DMRTA1: variants seen among roughly 807,000 people sequenced by gnomAD.
DMRTA1 encodes the protein doublesex- and mab-3-related transcription factor A1.
Under a neutral mutation model 35.2 loss-of-function variants are expected in DMRTA1, and 34 were observed. That is an observed-to-expected ratio of 0.97 (90% CI 0.74 to 1.29). The LOEUF (loss-of-function observed/expected upper bound fraction) is 1.29. Ranked by LOEUF, DMRTA1 falls within the 50% of genes most tolerant of loss-of-function variation. The pLI is 0.00. For synonymous variants in DMRTA1, 344 were observed against 276.6 expected (o/e 1.24, Z -2.42); for missense variants, 824 against 644.6 (o/e 1.28, Z -3.01).
At position 22,448,296 on chromosome 9, in the gene DMRTA1, C is replaced by G. The variant is rs79860364; in HGVS notation, c.667+564C>G. Among the ~76,000 whole-genome samples, 476 of 152,302 alleles carry G rather than the reference C, an allele frequency of 3.1e-3. 1 individual carries two copies. The highest frequency in any genetic ancestry group is 0.011 in the African/African-American group (459 of 41,562). On this transcript the variant is annotated intron_variant, in intron 1 of 1. Coordinates refer to ENST00000325870, the MANE Select transcript of DMRTA1 (RefSeq NM_022160.3). Reference sequence around the variant, plus strand: ...AACTCTGATAGTTGGGGATGCAGTTCTTTACTACATGTTGGGGCAAACATT... The same window carrying G: ...AACTCTGATAGTTGGGGATGCAGTTGTTTACTACATGTTGGGGCAAACATT...
rs1023488574 is a variant in DMRTA1 at position 22,453,024 on chromosome 9, C to T, written c.*1113C>T. On this transcript the variant is annotated 3_prime_UTR_variant, in exon 2 of 2. Transcript: ENST00000325870. ...AATTTTAAAAATAATTTTTGTCCTC[C>T]CTCTGGCGCATTTGAAAACTATTTA... 1.3e-5 allele frequency: 2 copies of T among 151,970 alleles called. No individual in the cohort carries two copies. Among genetic ancestry groups the T allele is most frequent in the Admixed American group, 6.6e-5 (1 of 15,244 alleles). 9.4% of individuals were successfully genotyped at this position (151,970 alleles called of 1,614,324 possible).
Position 22,451,228 on chromosome 9 carries a change from C to T in DMRTA1, c.832C>T (p.Leu278=), listed in dbSNP as rs74769337. 2,847 of 1,614,092 alleles carry T rather than the reference C, an allele frequency of 1.8e-3. 60 individuals are homozygous for T. In the Admixed American group the frequency reaches 0.038, roughly 21 times the overall value. The change falls in exon 2 of 2, where the codon CTG becomes TTG. Residue 278 remains leucine, a synonymous_variant. Transcript: ENST00000325870. Reference sequence around the variant, plus strand: ...ATACTCCAACAAGCCTGATAGTATCCTGTCTCCTCATCCTGGAGAGCAATC... The same window carrying T: ...ATACTCCAACAAGCCTGATAGTATCTTGTCTCCTCATCCTGGAGAGCAATC... The part of the protein sequence containing the change: ...SEYSNKPDSI[L]SPHPGEQSGG...
chr9:22,447,487 C>A lies in DMRTA1; in HGVS notation c.422C>A (p.Ala141Glu). The A allele has an allele frequency of 6.4e-7, 1 of 1,559,838 alleles. No individual in the cohort carries two copies. Among genetic ancestry groups the A allele is most frequent in the Non-Finnish European group, 8.7e-7 (1 of 1,153,942 alleles). The change falls in exon 1 of 2, where the codon GCG becomes GAG. Residue 141 changes from alanine (A) to glutamate (E), a missense_variant. Transcript: ENST00000325870. ...CAGCGCGTCATGGCCGCCCAGGTGG[C>A]GCTGCGCAGGCAGCAGGCGCAGGAG... The part of the protein sequence containing the change: ...ERQRVMAAQV[A>E]LRRQQAQEES...
rs1311889650 is a variant in DMRTA1, at chr9:22,455,191, G to T, written c.*3280G>T. The T allele has an allele frequency of 1.3e-5, 2 of 152,148 alleles. No homozygotes were observed. Among genetic ancestry groups the T allele is most frequent in the African/African-American group, 4.8e-5 (2 of 41,432 alleles). The allele number at this position is 152,148 out of a possible 1,614,324, so 9.4% of individuals were successfully genotyped here. A position where few individuals can be genotyped will look rare whatever the true frequency, so the allele number is the denominator to read the frequency against. On this transcript the variant is annotated 3_prime_UTR_variant, in exon 2 of 2. Transcript: ENST00000325870. Reference sequence around the variant, plus strand: ...TGTAAGGTATATAGGCATGAGTGGGGCTTAAAGAGGATATGGGAGAACACT... The same window carrying T: ...TGTAAGGTATATAGGCATGAGTGGGTCTTAAAGAGGATATGGGAGAACACT...
In DMRTA1 at chr9:22,452,409, G is replaced by A. The variant is rs1189313529; in HGVS notation, c.*498G>A. On this transcript the variant is annotated 3_prime_UTR_variant, in exon 2 of 2. Coordinates refer to ENST00000325870, the MANE Select transcript of DMRTA1 (RefSeq NM_022160.3). ...ATAGGAAAGAAAAAAGTTATTCAAA[G>A]TATTTTTAAAGCATTTGATTTGCAG... 1 of 152,252 alleles carries A rather than the reference G, an allele frequency of 6.6e-6. No individual in the cohort carries two copies. The highest frequency in any genetic ancestry group is 6.6e-5 in the Admixed American group (1 of 15,266). The allele number at this position is 152,252 out of a possible 1,614,324, so 9.4% of individuals were successfully genotyped here.
chr9:22,454,079 T>C lies in DMRTA1; in HGVS notation c.*2168T>C, dbSNP rs1818973005. Reference sequence around the variant, plus strand: ...ATAAAACTTAATTTATATAATGCCTTACACATTCCATACTCTTTATAATAA... The same window carrying C: ...ATAAAACTTAATTTATATAATGCCTCACACATTCCATACTCTTTATAATAA... On this transcript the variant is annotated 3_prime_UTR_variant, in exon 2 of 2. Transcript: ENST00000325870. 6.6e-6 allele frequency: 1 copy of C among 152,140 alleles called. No homozygotes were observed. Among genetic ancestry groups the C allele is most frequent in the African/African-American group, 2.4e-5 (1 of 41,442 alleles). The allele number at this position is 152,140 out of a possible 1,614,324, so 9.4% of individuals were successfully genotyped here.
chr9:22,447,183 G>A lies in DMRTA1; in HGVS notation c.118G>A (p.Gly40Arg), dbSNP rs3207249. ...PPSPALPVPS[G>R]MQVPPAFLRP... ...GTCCCCGGCGTTGCCGGTACCATCG[G>A]GGATGCAGGTTCCCCCAGCGTTCCT... is the stretch of plus-strand genomic sequence containing the variant. The change falls in exon 1 of 2, where the codon GGG (glycine) becomes AGG (arginine). Residue 40 changes from glycine to arginine, a missense_variant. Gly to Arg is a moderately radical substitution (Grantham distance 125). Transcript: ENST00000325870. 6.3e-7 allele frequency: 1 copy of A among 1,598,146 alleles called. No homozygotes were observed. Among genetic ancestry groups the A allele is most frequent in the East Asian group, 2.3e-5 (1 of 42,612 alleles).
rs1205320907 is a variant in DMRTA1, at chr9:22,451,364, C to G, written c.968C>G (p.Ser323Cys). 4.3e-6 allele frequency: 7 copies of G among 1,613,996 alleles called. No homozygotes were observed. The Admixed American group carries it at 1.2e-4, about 27-fold the overall frequency. Residue 323 changes from serine (S) to cysteine (C), a missense_variant, in exon 2 of 2, where the codon TCC (serine) becomes TGC (cysteine). Ser to Cys is a moderately radical substitution (Grantham distance 112). Transcript: ENST00000325870. ...TATKASLPTV[S>C]SRPRDPLDIL... The stretch of plus-strand genomic sequence containing the variant: ...ACCAAGGCAAGCCTTCCGACAGTGT[C>G]CTCAAGACCAAGAGATCCTCTTGAT...
chr9:22,450,918 A>T, intron 1 of DMRTA1, 146 bp from the exon 2 acceptor site: 1 of 807,626 alleles, frequency 1.2e-6, no homozygotes, highest in Non-Finnish European at 1.8e-6. Flanking sequence ...AATTTGAGTT[A>T]TTCATTAAAA....
intron 1 of DMRTA1, 107 bp downstream of exon 1, chr9:22,447,839 G>T (rs1406333758): frequency 2.2e-5 from 30 of 1,364,172 alleles, no homozygotes; most frequent in Non-Finnish European, 2.8e-5. Flanking sequence ...TTGTTTAAAA[G>T]AAACACTTTA....
chr9:22,447,415 G>C lies in DMRTA1; in HGVS notation c.350G>C (p.Arg117Pro), dbSNP rs1818851111. ...CTCAAGGGCCACAAGCGCTTCTGCC[G>C]CTGGCGGGACTGCGCGTGTGCCAAG... ...SALKGHKRFC[R>P]WRDCACAKCT... Residue 117 changes from arginine to proline, a missense_variant, in exon 1 of 2, where the codon CGC (arginine) becomes CCC (proline). Physicochemically the swap from Arg to Pro is moderately radical, Grantham distance 103. Transcript: ENST00000325870. 6.4e-7 allele frequency: 1 copy of C among 1,553,254 alleles called. No homozygotes were observed. Among genetic ancestry groups the C allele is most frequent in the African/African-American group, 1.4e-5 (1 of 72,400 alleles).
chr9:22,447,872 A>C, intron 1 of DMRTA1, 140 bp downstream of exon 1: 1 of 975,464 alleles, frequency 1.0e-6, no homozygotes, highest in South Asian at 1.6e-5. Context: ...CTGCTCAGCA[A>C]TATGGACATT....
chr9:22,453,863 G>A lies in DMRTA1; in HGVS notation c.*1952G>A, dbSNP rs1818968350. 1.3e-5 allele frequency: 2 copies of A among 152,054 alleles called. No homozygotes were observed. The highest frequency in any genetic ancestry group is 2.9e-5 in the Non-Finnish European group (2 of 67,902). 9.4% of individuals were successfully genotyped at this position (152,054 alleles called of 1,614,324 possible). On this transcript the variant is annotated 3_prime_UTR_variant, in exon 2 of 2. Transcript: ENST00000325870. ...CTAGATCCTGTAGAGGATACTGAATGTAAAATATTGTGCTCTAAAGGAAGT... is the reference window on the plus strand; with the variant it reads ...CTAGATCCTGTAGAGGATACTGAATATAAAATATTGTGCTCTAAAGGAAGT...
intron 1 of DMRTA1, among the ~76,000 whole-genome samples, chr9:22,449,579 G>A (rs1818893187): frequency 6.6e-6 from 1 of 151,924 alleles, no homozygotes; most frequent in African/African-American, 2.4e-5. Flanking sequence ...CATGTTCGGG[G>A]GCATGCTCAT....
In DMRTA1 at chr9:22,447,616, C is replaced by A. The variant is rs897965378; in HGVS notation, c.551C>A (p.Ser184Tyr). 1 of 1,610,236 alleles carries A rather than the reference C, an allele frequency of 6.2e-7. No homozygotes were observed. Among genetic ancestry groups the A allele is most frequent in the Non-Finnish European group, 8.5e-7 (1 of 1,179,252 alleles). ...GGCGGCAGAGCCGAGAATCCACAGTCCACGGGCGGCCCTGCGGCGGGGGCT... is the reference window on the plus strand; with the variant it reads ...GGCGGCAGAGCCGAGAATCCACAGTACACGGGCGGCCCTGCGGCGGGGGCT... ...GGGGRAENPQ[S>Y]TGGPAAGAAL... is the part of the protein sequence containing the mutation. Residue 184 changes from serine (S) to tyrosine (Y), a missense_variant, in exon 1 of 2, where the codon TCC becomes TAC. By Grantham distance (144) the Ser-to-Tyr change is moderately radical. Transcript: ENST00000325870.
chr9:22,449,821 A>G (rs75489053), intron 1 of DMRTA1, among the ~76,000 whole-genome samples: 2,508 of 152,268 alleles, frequency 0.016, 36 homozygotes, highest in Non-Finnish European at 0.026. Flanking sequence ...AAAATAAACT[A>G]TAGCTATTTC....
In DMRTA1 at chr9:22,451,521, C is replaced by G; in HGVS notation, c.1125C>G (p.Asn375Lys). The G allele has an allele frequency of 6.2e-7, 1 of 1,614,130 alleles. No homozygotes were observed. Among genetic ancestry groups the G allele is most frequent in the Non-Finnish European group, 8.5e-7 (1 of 1,179,976 alleles). The change falls in exon 2 of 2, where the codon AAC becomes AAG. Residue 375 changes from asparagine (N) to lysine (K), a missense_variant. Coordinates refer to ENST00000325870, the MANE Select transcript of DMRTA1 (RefSeq NM_022160.3). The stretch of plus-strand genomic sequence containing the variant: ...AAGAACACAAGCCAGACAACAGGAA[C>G]CTAGCAAACTCAGAAGAACTGGAAA... ...NGKEHKPDNR[N>K]LANSEELENT...
rs891099294 is a variant in DMRTA1, at chr9:22,451,421, G to A, written c.1025G>A (p.Arg342His). The change falls in exon 2 of 2, where the codon CGC becomes CAC. Residue 342 changes from arginine to histidine, a missense_variant. Physicochemically the swap from Arg to His is conservative, Grantham distance 29 (BLOSUM62 0). Transcript: ENST00000325870. ...ILTKIFPNYR[R>H]SRLEGILRFC... ...ACTAAGATTTTCCCAAATTACAGGC[G>A]CAGCCGGCTAGAAGGCATTCTACGG... 15 of 1,613,986 alleles carry A rather than the reference G, an allele frequency of 9.3e-6. No homozygotes were observed. Among genetic ancestry groups the A allele is most frequent in the African/African-American group, 4.0e-5 (3 of 74,914 alleles).
chr9:22,447,829 T>A, intron 1 of DMRTA1, 97 bp downstream of exon 1: 1 of 1,450,264 alleles, frequency 6.9e-7, no homozygotes, highest in Non-Finnish European at 9.4e-7. Context: ...GCAGGAATAG[T>A]TGTTTAAAAG....
Sources: gnomAD v4.1 joint callset for allele counts (sites outside exome capture counted in the v4.1 genomes callset) on GRCh38, gnomAD v4.1.1 for gene constraint, MANE v1.5 for transcripts, NCBI Gene and HGNC (gene_info 2026-07-23, HGNC 2026-07-21) for gene names.